MBOAT2: variants seen among roughly 807,000 people sequenced by gnomAD.
The protein encoded by MBOAT2 is membrane bound glycerophospholipid O-acyltransferase 2.
A neutral mutation model predicts 63.4 loss-of-function variants in MBOAT2; 28 were observed. The ratio of observed to expected loss-of-function variants is 0.44; its 90% CI spans 0.33 to 0.61. MBOAT2 has a LOEUF of 0.61. Among genes scored for constraint, MBOAT2 ranks in the 20% least tolerant of loss-of-function variants. The pLI is 0.03. For synonymous variants in MBOAT2, 211 were observed against 215.6 expected (o/e 0.98, Z 0.19); for missense variants, 470 against 605.8 (o/e 0.78, Z 2.35).
chr2:8,882,715 C>T, intron 5 of MBOAT2, 150 bp from the exon 6 acceptor site: 1 of 717,666 alleles, frequency 1.4e-6, no homozygotes, highest in Non-Finnish European at 2.4e-6. Flanking sequence ...CTTCTCATGG[C>T]AACACAGCCT....
intron 6 of MBOAT2, among the ~76,000 whole-genome samples, chr2:8,881,542 G>A (rs1172924385): frequency 6.6e-6 from 1 of 152,174 alleles, no homozygotes; most frequent in Non-Finnish European, 1.5e-5. Flanking sequence ...ACCCAGGTCT[G>A]GGGATTTGCT....
At chr2:8,981,235 G>A (rs997717904) in intron 1 of MBOAT2, among the ~76,000 whole-genome samples, 2 of 152,142 alleles carry the variant, frequency 1.3e-5, no homozygotes, top group African/African-American at 2.4e-5. Context: ...TAATGAAAAT[G>A]TTCCAGGTTA....
At chr2:8,969,857 C>G (rs1478572237) in intron 1 of MBOAT2, among the ~76,000 whole-genome samples, 1 of 152,168 alleles carries the variant, frequency 6.6e-6, no homozygotes, top group Non-Finnish European at 1.5e-5. Flanking sequence ...CAGGAGCACC[C>G]AGATTCATAA....
intron 2 of MBOAT2, among the ~76,000 whole-genome samples, chr2:8,951,498 C>T (rs1019408034): frequency 1.3e-5 from 2 of 152,294 alleles, no homozygotes; most frequent in Non-Finnish European, 2.9e-5. Context: ...AGCCACCGTG[C>T]CCTGCCACTA....
chr2:8,912,349 A>AAGAAAGAAAGAG (rs1320407353), intron 3 of MBOAT2, among the ~76,000 whole-genome samples: 2 of 76,444 alleles, frequency 2.6e-5, no homozygotes, highest in African/African-American at 4.7e-5. Flanking sequence ...GAAAGAAAGA[A>AAGAAAGAAAGAG]AGAGAAAGAA....
chr2:8,883,699 T>C (rs371912081), intron 5 of MBOAT2, among the ~76,000 whole-genome samples: 3 of 152,194 alleles, frequency 2.0e-5, no homozygotes, highest in African/African-American at 7.2e-5. Flanking sequence ...GCAAACACTT[T>C]AGAAATCTTT....
Position 8,858,922 on chromosome 2 carries a change from A to G in MBOAT2, c.1338-18T>C, listed in dbSNP as rs138674068. ...ACCAGGAGCTAAAAGAAAAAGGGAA[A>G]AAGTTTATTAAAACTTGATAATTAA... On this transcript the variant is annotated intron_variant, in intron 12 of 12. Transcript: ENST00000305997. 11 of 1,550,314 alleles carry G rather than the reference A, an allele frequency of 7.1e-6. No homozygotes were observed. The African/African-American group carries it at 9.6e-5, about 14-fold the overall frequency.
chr2:8,985,101 T>C (rs1231088183), intron 1 of MBOAT2, among the ~76,000 whole-genome samples: 1 of 151,832 alleles, frequency 6.6e-6, no homozygotes, highest in Non-Finnish European at 1.5e-5. Flanking sequence ...AAAACTAAAA[T>C]GTCTAGTTCC....
intron 1 of MBOAT2, among the ~76,000 whole-genome samples, chr2:8,981,888 G>A (rs1671217698): frequency 6.6e-6 from 1 of 152,042 alleles, no homozygotes; most frequent in Admixed American, 6.6e-5. Context: ...CTAAATCCCA[G>A]GCCTTTTTTA....
intron 1 of MBOAT2, among the ~76,000 whole-genome samples, chr2:8,988,652 A>G (rs1671722701): frequency 6.6e-6 from 1 of 152,194 alleles, no homozygotes; most frequent in Admixed American, 6.5e-5. Flanking sequence ...TAGTATGCCA[A>G]CATTAAACAA....
At chr2:8,908,740 T>A in intron 3 of MBOAT2, 24 bp from the exon 4 acceptor site, 1 of 1,402,580 alleles carries the variant, frequency 7.1e-7, no homozygotes, top group South Asian at 1.2e-5. Context: ...ATAAGCTACA[T>A]TAATGAAAAT....
intron 4 of MBOAT2, among the ~76,000 whole-genome samples, chr2:8,889,450 T>G (rs1244080605): frequency 2.6e-5 from 4 of 152,344 alleles, no homozygotes; most frequent in Non-Finnish European, 5.9e-5. Context: ...TTAGGTTCCC[T>G]TAAAAAGTCA....
intron 3 of MBOAT2, among the ~76,000 whole-genome samples, chr2:8,932,138 T>G (rs572421161): frequency 6.6e-6 from 1 of 152,160 alleles, no homozygotes; most frequent in Non-Finnish European, 1.5e-5. Flanking sequence ...TAGCAACAAG[T>G]AGGAGGAAGT....
At chr2:8,967,180 T>G (rs1194051481) in intron 1 of MBOAT2, among the ~76,000 whole-genome samples, 1 of 152,192 alleles carries the variant, frequency 6.6e-6, no homozygotes, top group Non-Finnish European at 1.5e-5. Flanking sequence ...ATCACTGAAG[T>G]CACTGAAGTG....
Position 8,876,602 on chromosome 2 carries a change from G to C in MBOAT2, c.690+428C>G, listed in dbSNP as rs1052942416. Among the ~76,000 whole-genome samples the C allele has an allele frequency of 9.2e-5, 14 of 152,158 alleles. No homozygotes were observed. In the East Asian group the frequency reaches 2.3e-3, roughly 25 times the overall value. On this transcript the variant is annotated intron_variant, in intron 7 of 12. Coordinates refer to ENST00000305997, the MANE Select transcript of MBOAT2 (RefSeq NM_138799.4). Reference sequence around the variant, plus strand: ...TTTCAACTTGCAATAATTAAGAAGAGGAGAGGGAAAGCAAAAAAGAAATGG... The same window carrying C: ...TTTCAACTTGCAATAATTAAGAAGACGAGAGGGAAAGCAAAAAAGAAATGG...
At chr2:8,915,667 C>G (rs1666119888) in intron 3 of MBOAT2, among the ~76,000 whole-genome samples, 1 of 152,196 alleles carries the variant, frequency 6.6e-6, no homozygotes, top group Non-Finnish European at 1.5e-5. Flanking sequence ...GTTCACACAT[C>G]AGCAGAGAAA....
At chr2:8,883,155 A>G (rs1413043331) in intron 5 of MBOAT2, among the ~76,000 whole-genome samples, 1 of 152,142 alleles carries the variant, frequency 6.6e-6, no homozygotes, top group Non-Finnish European at 1.5e-5. Flanking sequence ...AATGAAATTA[A>G]AAAGCAAATA....
chr2:8,981,205 T>C (rs1671169652), intron 1 of MBOAT2, among the ~76,000 whole-genome samples: 2 of 152,136 alleles, frequency 1.3e-5, no homozygotes, highest in Non-Finnish European at 2.9e-5. Flanking sequence ...TGACTGCTAA[T>C]GGTACAAGGC....
intron 4 of MBOAT2, among the ~76,000 whole-genome samples, chr2:8,900,789 T>C (rs1168576494): frequency 1.3e-5 from 2 of 152,214 alleles, no homozygotes; most frequent in Non-Finnish European, 2.9e-5. Context: ...TCACTCCATT[T>C]GCCTTCCCTC....
Sources: allele counts gnomAD v4.1 joint callset (sites outside exome capture counted in the v4.1 genomes callset), GRCh38; gene constraint gnomAD v4.1.1; transcripts MANE v1.5; gene names NCBI Gene and HGNC (gene_info 2026-07-23, HGNC 2026-07-21).